The following LRP1B variants were observed in gnomAD, a reference collection of about 807,000 sequenced individuals.
The protein encoded by LRP1B is low-density lipoprotein receptor-related protein 1B.
Under a neutral mutation model 556.6 loss-of-function variants are expected in LRP1B, and 217 were observed. The ratio of observed to expected loss-of-function variants is 0.39; its 90% CI spans 0.35 to 0.44. The LOEUF is 0.44. LRP1B is among the 20% of genes least tolerant of loss of function. The pLI, the probability that LRP1B is intolerant of heterozygous loss-of-function variation, is 1.00. For missense variants in LRP1B, 5,053 were observed against 5,620.8 expected (o/e 0.90, Z 3.23); for synonymous variants, 2,047 against 1,865.8 (o/e 1.10, Z -2.50).
intron 2 of LRP1B, among the ~76,000 whole-genome samples, chr2:141,511,916 G>T (rs187286265): frequency 6.6e-6 from 1 of 152,208 alleles, no homozygotes; most frequent in African/African-American, 2.4e-5. Flanking sequence ...CTTATAAGAG[G>T]CATTTTTCCT....
At chr2:141,068,018 T>C (rs1468173799) in intron 7 of LRP1B, among the ~76,000 whole-genome samples, 3 of 152,032 alleles carry the variant, frequency 2.0e-5, no homozygotes, top group South Asian at 4.1e-4. Context: ...AGGAGATTAT[T>C]TGATTCCTCT....
chr2:141,689,081 T>A (rs541547621), intron 2 of LRP1B, among the ~76,000 whole-genome samples: 2 of 151,914 alleles, frequency 1.3e-5, no homozygotes, highest in African/African-American at 2.4e-5. Context: ...CCTAAGGAAT[T>A]TCCTGGCTGA....
intron 7 of LRP1B, among the ~76,000 whole-genome samples, chr2:141,139,473 C>T (rs7573569): frequency 0.14 from 21,769 of 150,920 alleles, 2,870 homozygotes; most frequent in African/African-American, 0.36. Context: ...TTGGTGTATA[C>T]TATATATAAA....
chr2:140,739,465 GA>G (rs1688064229), intron 35 of LRP1B, among the ~76,000 whole-genome samples: 2 of 152,044 alleles, frequency 1.3e-5, no homozygotes, highest in Admixed American at 1.3e-4. Flanking sequence ...TGTAGTGTAA[GA>G]AATTCAGAGG....
intron 2 of LRP1B, among the ~76,000 whole-genome samples, chr2:141,721,404 G>A (rs186448367): frequency 2.6e-5 from 4 of 152,076 alleles, no homozygotes; most frequent in African/African-American, 4.8e-5. Flanking sequence ...TCGTACTATC[G>A]ACCTCTTACC....
At chr2:141,069,969 A>G (rs1274037178) in intron 7 of LRP1B, among the ~76,000 whole-genome samples, 3 of 93,880 alleles carry the variant, frequency 3.2e-5, no homozygotes, top group Non-Finnish European at 6.3e-5. Context: ...CCACCCCACA[A>G]CAGTCCCCAG....
At chr2:140,835,979 A>C (rs1186734262) in intron 31 of LRP1B, among the ~76,000 whole-genome samples, 2 of 152,228 alleles carry the variant, frequency 1.3e-5, no homozygotes, top group African/African-American at 4.8e-5. Context: ...TTCCAAAGGG[A>C]AAGTTTGAAC....
intron 1 of LRP1B, among the ~76,000 whole-genome samples, chr2:142,103,569 G>A (rs2104973729): frequency 6.6e-6 from 1 of 151,994 alleles, no homozygotes; most frequent in South Asian, 2.1e-4. Flanking sequence ...CAAGGAAGCT[G>A]ACTAGTCACT....
chr2:141,069,289 C>T (rs1443969726), intron 7 of LRP1B, among the ~76,000 whole-genome samples: 1 of 152,006 alleles, frequency 6.6e-6, no homozygotes, highest in Non-Finnish European at 1.5e-5. Context: ...GTTAACTCGG[C>T]AAGTAAGAAA....
At position 140,239,500 on chromosome 2, in the gene LRP1B, A is replaced by G. The variant is rs2104884856; in HGVS notation, c.13357T>C (p.Leu4453=). ...SIAIIVPLVL[L]VTLITTLVIG... ...ACTAAGGTGGTTATCAAAGTCACCA[A>G]GAGGACGAGAGGCACAATGATGGCA... Residue 4453 remains leucine, a synonymous_variant, in exon 88 of 91, where the codon TTG becomes CTG. Transcript: ENST00000389484. The G allele has an allele frequency of 1.9e-6, 3 of 1,605,148 alleles. No individual in the cohort carries two copies. The East Asian group carries it at 6.8e-5, about 36-fold the overall frequency.
chr2:140,967,382 T>C (rs1050733210), intron 18 of LRP1B, among the ~76,000 whole-genome samples: 10 of 151,668 alleles, frequency 6.6e-5, no homozygotes, highest in African/African-American at 2.4e-4. Flanking sequence ...TTTTTGTACA[T>C]TGATTTTGTA....
intron 3 of LRP1B, among the ~76,000 whole-genome samples, chr2:141,412,992 C>T (rs899858681): frequency 6.6e-6 from 1 of 152,020 alleles, no homozygotes; most frequent in Non-Finnish European, 1.5e-5. Flanking sequence ...TTTGCAAGGC[C>T]AGAGCAAGGG....
chr2:141,450,703 A>G (rs545112975), intron 3 of LRP1B, among the ~76,000 whole-genome samples: 3 of 152,216 alleles, frequency 2.0e-5, no homozygotes, highest in Admixed American at 2.0e-4. Flanking sequence ...ATTAATGCAC[A>G]TAAATAAATC....
Position 141,066,376 on chromosome 2 carries a change from T to C in LRP1B, c.1014-4103A>G, listed in dbSNP as rs74401171. 5.2e-3 allele frequency among the ~76,000 whole-genome samples: 798 copies of C among 152,072 alleles called. 7 individuals carry two copies. The highest frequency in any genetic ancestry group is 0.018 in the African/African-American group (754 of 41,522). On this transcript the variant is annotated intron_variant, in intron 7 of 90. Coordinates refer to ENST00000389484, the MANE Select transcript of LRP1B (RefSeq NM_018557.3). ...GGATAGTAAGAAACTTCGAGTATTA[T>C]TGGTAAACTTGCCTAACATAAATCA...
intron 41 of LRP1B, among the ~76,000 whole-genome samples, chr2:140,666,060 C>G (rs1685257787): frequency 6.6e-6 from 1 of 150,600 alleles, no homozygotes; most frequent in African/African-American, 2.4e-5. Context: ...GTGGCATGAT[C>G]TCAGCTCACT....
chr2:141,111,302 A>G (rs1182975835), intron 7 of LRP1B, among the ~76,000 whole-genome samples: 3 of 152,214 alleles, frequency 2.0e-5, no homozygotes, highest in African/African-American at 7.2e-5. Flanking sequence ...CAATAGAAAA[A>G]CCAAGACAGA....
At chr2:141,526,618 C>A (rs138518466) in intron 2 of LRP1B, among the ~76,000 whole-genome samples, 19 of 152,106 alleles carry the variant, frequency 1.2e-4, no homozygotes, top group African/African-American at 4.3e-4. Context: ...ACTGACACTG[C>A]CTTCCACTTG....
chr2:140,575,453 A>C (rs1681482016), intron 43 of LRP1B, among the ~76,000 whole-genome samples: 1 of 152,192 alleles, frequency 6.6e-6, no homozygotes, highest in African/African-American at 2.4e-5. Flanking sequence ...CATGTAAGGT[A>C]TGTTTTCCAA....
At chr2:141,148,390 A>C (rs1701837636) in intron 7 of LRP1B, among the ~76,000 whole-genome samples, 1 of 152,210 alleles carries the variant, frequency 6.6e-6, no homozygotes, top group African/African-American at 2.4e-5. Flanking sequence ...ATCTCCAAAG[A>C]ATCCTGGGGA....
Sources: allele counts gnomAD v4.1 joint callset (sites outside exome capture counted in the v4.1 genomes callset), GRCh38; gene constraint gnomAD v4.1.1; transcripts MANE v1.5; gene names NCBI Gene and HGNC (gene_info 2026-07-23, HGNC 2026-07-21).